The following DPP10 variants were observed in gnomAD, a reference collection of about 807,000 sequenced individuals.
DPP10 encodes the protein dipeptidyl peptidase like 10, also known as inactive dipeptidyl peptidase 10.
DPP10 carries 33 observed loss-of-function variants against 120.9 expected under a neutral mutation model. That is an observed-to-expected ratio of 0.27 (90% CI 0.21 to 0.37). The LOEUF (loss-of-function observed/expected upper bound fraction) is 0.37. Ranked by LOEUF, DPP10 falls within the 10% of genes least tolerant of loss-of-function variation. The probability of loss-of-function intolerance (pLI) is 1.00; values close to 1 mark genes in which losing one functional copy is unlikely to be tolerated. For missense variants in DPP10, 816 were observed against 942.8 expected (o/e 0.87, Z 1.76); for synonymous variants, 337 against 326.1 (o/e 1.03, Z -0.36).
rs543092628 is a variant in DPP10 at position 114,811,002 on chromosome 2, A to G, written c.60+368164A>G. Among the ~76,000 whole-genome samples, 5 of 152,308 alleles carry G rather than the reference A, an allele frequency of 3.3e-5. No homozygotes were observed. In the East Asian group the frequency reaches 7.7e-4, roughly 23 times the overall value. ...CAAAATGATTGTCACCACCTGTTAT[A>G]TCTTTCTCATCTCTGGGTCTCTCCT... On this transcript the variant is annotated intron_variant, in intron 1 of 25. Coordinates refer to ENST00000410059, the MANE Select transcript of DPP10 (RefSeq NM_020868.6).
intron 1 of DPP10, among the ~76,000 whole-genome samples, chr2:114,699,743 G>A (rs551067267): frequency 6.6e-6 from 1 of 152,188 alleles, no homozygotes; most frequent in Admixed American, 6.5e-5. Context: ...CAAGAAGAAT[G>A]GACTTAATTA....
At chr2:115,409,704 A>G (rs993821633) in intron 3 of DPP10, among the ~76,000 whole-genome samples, 3 of 152,248 alleles carry the variant, frequency 2.0e-5, no homozygotes, top group Non-Finnish European at 4.4e-5. Context: ...AAAAACACAC[A>G]TGCATGCACA....
intron 1 of DPP10, among the ~76,000 whole-genome samples, chr2:114,958,005 C>T (rs572233728): frequency 1.3e-5 from 2 of 152,180 alleles, no homozygotes; most frequent in African/African-American, 2.4e-5. Context: ...AAACTTCAGC[C>T]GAATTAAATT....
chr2:114,693,745 A>G (rs762288862), intron 1 of DPP10, among the ~76,000 whole-genome samples: 2 of 151,840 alleles, frequency 1.3e-5, no homozygotes, highest in Non-Finnish European at 2.9e-5. Flanking sequence ...CTCTTTACAT[A>G]ATCCCATATT....
At chr2:115,232,124 A>G (rs1559283204) in intron 1 of DPP10, among the ~76,000 whole-genome samples, 1 of 152,146 alleles carries the variant, frequency 6.6e-6, no homozygotes, top group Non-Finnish European at 1.5e-5. Context: ...AGTTAATGGC[A>G]TGCACTGAAC....
chr2:114,829,591 G>A (rs923258784), intron 1 of DPP10, among the ~76,000 whole-genome samples: 3 of 150,216 alleles, frequency 2.0e-5, no homozygotes, highest in African/African-American at 7.4e-5. Context: ...TGGCCAGGCT[G>A]GTCTCGAATG....
At chr2:115,707,462 A>ACACTCT (rs1491330284) in intron 7 of DPP10, among the ~76,000 whole-genome samples, 1 of 134,356 alleles carries the variant, frequency 7.4e-6, no homozygotes, top group African/African-American at 3.0e-5. Context: ...ACACACACAC[A>ACACTCT]CTCTCTCCAC....
chr2:114,463,755 T>A (rs367710105), intron 1 of DPP10, among the ~76,000 whole-genome samples: 1 of 152,188 alleles, frequency 6.6e-6, no homozygotes, highest in African/African-American at 2.4e-5. Flanking sequence ...CTGTGTGGAA[T>A]ACTCTCGCCA....
intron 1 of DPP10, among the ~76,000 whole-genome samples, chr2:114,750,159 C>T (rs552472167): frequency 6.6e-6 from 1 of 151,732 alleles, no homozygotes; most frequent in Non-Finnish European, 1.5e-5. Flanking sequence ...GTCAAGTAAT[C>T]CAAGGCAAAA....
At chr2:114,918,729 G>A (rs1231873383) in intron 1 of DPP10, among the ~76,000 whole-genome samples, 3 of 152,144 alleles carry the variant, frequency 2.0e-5, no homozygotes, top group African/African-American at 4.8e-5. Flanking sequence ...TCACTTATAT[G>A]TGGATGCTAA....
intron 1 of DPP10, among the ~76,000 whole-genome samples, chr2:115,268,476 G>A (rs918909747): frequency 3.9e-5 from 6 of 152,096 alleles, no homozygotes; most frequent in East Asian, 1.9e-4. Context: ...CCTAAAATAC[G>A]ATGCATTATT....
intron 1 of DPP10, among the ~76,000 whole-genome samples, chr2:114,887,719 T>C (rs1202857533): frequency 6.6e-6 from 1 of 152,180 alleles, no homozygotes; most frequent in African/African-American, 2.4e-5. Context: ...TATTCCACAG[T>C]GTATTAGAAA....
intron 1 of DPP10, among the ~76,000 whole-genome samples, chr2:114,495,612 C>A (rs772497080): frequency 6.6e-6 from 1 of 152,004 alleles, no homozygotes; most frequent in Non-Finnish European, 1.5e-5. Flanking sequence ...TAAGACATTG[C>A]AAAGGGAGGT....
At chr2:115,060,433 A>T (rs1279071219) in intron 1 of DPP10, among the ~76,000 whole-genome samples, 3 of 152,022 alleles carry the variant, frequency 2.0e-5, no homozygotes, top group Admixed American at 2.0e-4. Context: ...TTTCTATAAA[A>T]TATACGAAAA....
intron 1 of DPP10, among the ~76,000 whole-genome samples, chr2:115,030,271 G>A (rs1194689527): frequency 1.3e-5 from 2 of 151,418 alleles, no homozygotes; most frequent in Non-Finnish European, 2.9e-5. Flanking sequence ...TTCTTACTTT[G>A]GTTTTCATTT....
intron 1 of DPP10, chr2:115,050,340 G>A (rs1407009948): frequency 6.6e-6 from 1 of 152,092 alleles, no homozygotes; most frequent in Non-Finnish European, 1.5e-5. Context: ...AGTGCTGGAG[G>A]GAGCAAAACA....
At chr2:115,222,058 G>C (rs1485276851) in intron 1 of DPP10, among the ~76,000 whole-genome samples, 1 of 152,084 alleles carries the variant, frequency 6.6e-6, no homozygotes, top group Non-Finnish European at 1.5e-5. Flanking sequence ...TAGATTTCTT[G>C]TTAGTAGGAA....
intron 1 of DPP10, among the ~76,000 whole-genome samples, chr2:114,697,957 T>C (rs1394219149): frequency 2.6e-5 from 4 of 152,064 alleles, no homozygotes; most frequent in African/African-American, 9.7e-5. Flanking sequence ...CCAACATTAC[T>C]TAAATGTTTA....
At chr2:114,497,450 C>T (rs775229816) in intron 1 of DPP10, among the ~76,000 whole-genome samples, 14 of 149,880 alleles carry the variant, frequency 9.3e-5, no homozygotes, top group Non-Finnish European at 1.5e-4. Flanking sequence ...TATATAGATG[C>T]ATCTATTTTA....
Sources: gnomAD v4.1 joint callset for allele counts (sites outside exome capture counted in the v4.1 genomes callset) on GRCh38, gnomAD v4.1.1 for gene constraint, MANE v1.5 for transcripts, NCBI Gene and HGNC (gene_info 2026-07-23, HGNC 2026-07-21) for gene names.